NOL4: variants seen among roughly 807,000 people sequenced by gnomAD.
The protein encoded by NOL4 is nucleolar protein 4.
NOL4 carries 17 observed loss-of-function variants against 75.9 expected under a neutral mutation model. That is an observed-to-expected ratio of 0.22 (90% CI 0.15 to 0.34). The LOEUF (loss-of-function observed/expected upper bound fraction) is 0.34, where lower values mean the gene tolerates loss of function less well. Ranked by LOEUF, NOL4 falls within the 10% of genes least tolerant of loss-of-function variation. The pLI, the probability that NOL4 is intolerant of heterozygous loss-of-function variation, is 1.00. For synonymous variants in NOL4, 292 were observed against 289.9 expected, an observed-to-expected ratio of 1.01 and a Z score of -0.07; for missense variants, 614 against 793.5, an observed-to-expected ratio of 0.77 and a Z score of 2.72.
Position 34,011,864 on chromosome 18 carries a change from A to G in NOL4, c.1056+7454T>C, listed in dbSNP as rs534689823. On this transcript the variant is annotated intron_variant, in intron 6 of 10. Transcript: ENST00000261592. ...GCATCAGAAGCTGGAGGGCTAGTTA[A>G]GATTTTGTACTAACTCATATGAACT... Among the ~76,000 whole-genome samples the G allele has an allele frequency of 3.3e-5, 5 of 152,050 alleles. No individual in the cohort carries two copies. In the East Asian group the frequency reaches 7.8e-4, roughly 24 times the overall value.
intron 9 of NOL4, among the ~76,000 whole-genome samples, chr18:33,915,909 T>C (rs1436324886): frequency 2.0e-5 from 3 of 152,134 alleles, no homozygotes; most frequent in Admixed American, 6.6e-5. Context: ...CATGATTTCA[T>C]TTAGTTTTCA....
intron 1 of NOL4, among the ~76,000 whole-genome samples, chr18:34,131,382 T>C: frequency 6.6e-6 from 1 of 152,106 alleles, no homozygotes. Flanking sequence ...GACAACTATA[T>C]ATAGGAAATC....
At chr18:34,199,879 G>C (rs138446877) in intron 1 of NOL4, among the ~76,000 whole-genome samples, 1 of 151,870 alleles carries the variant, frequency 6.6e-6, no homozygotes, top group Non-Finnish European at 1.5e-5. Flanking sequence ...AGAGAGGGAA[G>C]GAGAGGCTTG....
intron 6 of NOL4, among the ~76,000 whole-genome samples, chr18:34,018,373 G>T (rs1370710948): frequency 1.3e-5 from 2 of 152,100 alleles, no homozygotes; most frequent in East Asian, 3.9e-4. Context: ...TTGCTTAAAA[G>T]AGGATAAAAC....
intron 1 of NOL4, among the ~76,000 whole-genome samples, chr18:34,154,890 C>T (rs903496512): frequency 6.6e-6 from 1 of 151,932 alleles, no homozygotes; most frequent in Non-Finnish European, 1.5e-5. Context: ...TCTCTGATGA[C>T]TACTGAGGTT....
intron 6 of NOL4, among the ~76,000 whole-genome samples, chr18:33,975,970 T>C (rs763908480): frequency 6.6e-6 from 1 of 152,196 alleles, no homozygotes; most frequent in Non-Finnish European, 1.5e-5. Context: ...CTTTTTATTC[T>C]GATGAATGTA....
intron 5 of NOL4, among the ~76,000 whole-genome samples, chr18:34,083,423 G>A (rs1329305354): frequency 6.6e-6 from 1 of 152,116 alleles, no homozygotes; most frequent in East Asian, 1.9e-4. Flanking sequence ...AAAAATGGGG[G>A]TGTCTCCATT....
intron 1 of NOL4, among the ~76,000 whole-genome samples, chr18:34,154,051 A>G (rs550167461): frequency 6.6e-6 from 1 of 152,038 alleles, no homozygotes; most frequent in Non-Finnish European, 1.5e-5. Context: ...GCTAACATTC[A>G]GAGGATTCCA....
intron 5 of NOL4, among the ~76,000 whole-genome samples, chr18:34,044,202 T>C (rs1342880309): frequency 6.6e-6 from 1 of 152,082 alleles, no homozygotes; most frequent in African/African-American, 2.4e-5. Context: ...CAACTGTTAA[T>C]TGTTGATGCT....
chr18:33,853,153 T>A, intron 10 of NOL4, 118 bp from the exon 11 acceptor site: 1 of 857,988 alleles, frequency 1.2e-6, no homozygotes, highest in Non-Finnish European at 1.7e-6. Context: ...AAGAAGCTAG[T>A]GATCTCTTTA....
chr18:33,986,470 C>T (rs976655981), intron 6 of NOL4, among the ~76,000 whole-genome samples: 9 of 152,126 alleles, frequency 5.9e-5, no homozygotes, highest in African/African-American at 9.6e-5. Context: ...GGATTCACAA[C>T]TCAGGCAGGA....
rs994532072 is a variant in NOL4, at chr18:34,019,498, A to G, written c.876T>C (p.Asp292=). The G allele has an allele frequency of 3.7e-6, 6 of 1,613,902 alleles. No individual in the cohort carries two copies. The highest frequency in any genetic ancestry group is 5.1e-6 in the Non-Finnish European group (6 of 1,179,994). ...HSREMGDSNS[D]GKTGLEQDEQ... ...CATCTTGCTCCAGCCCAGTTTTGCC[A>G]TCACTGTTGGAGTCTCCCATCTCCC... Residue 292 remains aspartate (D), a synonymous_variant, in exon 6 of 11, where the codon GAT becomes GAC. Transcript: ENST00000261592.
At chr18:34,001,495 T>C (rs1225007936) in intron 6 of NOL4, among the ~76,000 whole-genome samples, 5 of 152,114 alleles carry the variant, frequency 3.3e-5, no homozygotes, top group Admixed American at 6.6e-5. Context: ...AAAGACTTCA[T>C]AGCCCTGACA....
rs544739209 is a variant in NOL4, at chr18:34,105,122, C to A, written c.453G>T (p.Val151=). The change falls in exon 3 of 11, where the codon GTG becomes GTT. Residue 151 remains valine (V), a synonymous_variant. Transcript: ENST00000261592. ...CTGAGCAGCTCATTAGAAATCGTGT[C>A]ACCGCTTCTCTTGGTAGGAAGGCAT... ...ESYAFLPREA[V]TRFLMSCSEC... is the part of the protein sequence containing the mutation. The A allele has an allele frequency of 1.2e-5, 19 of 1,612,238 alleles. No homozygotes were observed. The East Asian group carries it at 4.2e-4, about 36-fold the overall frequency.
At chr18:34,217,257 G>A in intron 1 of NOL4, among the ~76,000 whole-genome samples, 1 of 151,902 alleles carries the variant, frequency 6.6e-6, no homozygotes, top group East Asian at 1.9e-4. Flanking sequence ...ATACATACAA[G>A]TATACCTTGT....
rs556799626 is a variant in NOL4 at position 34,198,311 on chromosome 18, A to C, written c.264+24679T>G. The stretch of plus-strand genomic sequence containing the variant: ...TATACGGGATATCTCATTGATTTCC[A>C]ATCCTCCTCACCCTCCATAAAGAGA... On this transcript the variant is annotated intron_variant, in intron 1 of 10. Transcript: ENST00000261592. Among the ~76,000 whole-genome samples the C allele has an allele frequency of 5.3e-5, 8 of 151,920 alleles. No homozygotes were observed. In the East Asian group the frequency reaches 1.4e-3, roughly 26 times the overall value.
At position 33,863,051 on chromosome 18, in the gene NOL4, G is replaced by A. The variant is rs540138799; in HGVS notation, c.1724-10016C>T. 4.5e-4 allele frequency among the ~76,000 whole-genome samples: 69 copies of A among 152,290 alleles called. 2 individuals are homozygous for A. In the Middle Eastern group the frequency reaches 0.01, roughly 23 times the overall value. ...GTCCAACCATGATAGACTGGATTAA[G>A]AAAATGTGGCACATATACACCATGG... On this transcript the variant is annotated intron_variant, in intron 10 of 10. Coordinates refer to ENST00000261592, the MANE Select transcript of NOL4 (RefSeq NM_003787.5).
chr18:34,123,641 A>G (rs2080255788), intron 2 of NOL4, among the ~76,000 whole-genome samples: 1 of 147,864 alleles, frequency 6.8e-6, no homozygotes, highest in Admixed American at 6.8e-5. Flanking sequence ...AGATACAGAG[A>G]GATATACCTA....
chr18:34,200,884 C>G (rs576239011), intron 1 of NOL4, among the ~76,000 whole-genome samples: 126 of 151,736 alleles, frequency 8.3e-4, no homozygotes, highest in African/African-American at 2.9e-3. Context: ...CAGAATGTTT[C>G]TAACCAATAA....
Sources: gnomAD v4.1 joint callset for allele counts (sites outside exome capture counted in the v4.1 genomes callset) on GRCh38, gnomAD v4.1.1 for gene constraint, MANE v1.5 for transcripts, NCBI Gene and HGNC (gene_info 2026-07-23, HGNC 2026-07-21) for gene names.